FAT1: variants seen among roughly 807,000 people sequenced by gnomAD.
The protein encoded by FAT1 is FAT atypical cadherin 1.
Under a neutral mutation model 329.8 loss-of-function variants are expected in FAT1, and 171 were observed. The ratio of observed to expected loss-of-function variants is 0.52; its 90% CI spans 0.46 to 0.59. The LOEUF is 0.59. FAT1 is among the 20% of genes least tolerant of loss of function. The pLI, the probability that FAT1 is intolerant of heterozygous loss-of-function variation, is 0.00. For synonymous variants in FAT1, 2,233 were observed against 2,228.6 expected (o/e 1.00, Z -0.06); for missense variants, 5,672 against 5,774.4 (o/e 0.98, Z 0.57).
In FAT1 at chr4:186,620,525, G is replaced by A. The variant is rs185406112; in HGVS notation, c.6061C>T (p.Arg2021Cys). 3.7e-5 allele frequency: 60 copies of A among 1,613,968 alleles called. No homozygotes were observed. In the Admixed American group the frequency reaches 8.3e-4, roughly 22 times the overall value. Residue 2021 changes from arginine to cysteine, a missense_variant, in exon 10 of 27, where the codon CGC becomes TGC. Arg to Cys is a radical substitution (Grantham distance 180). Coordinates refer to ENST00000441802, the MANE Select transcript of FAT1 (RefSeq NM_005245.4). Reference protein sequence around the residue: ...PLFYHILNPDRRFKISRTSGV... With the variant: ...PLFYHILNPDCRFKISRTSGV... ...GAAGTGCGGCTTATTTTAAATCTGC[G>A]ATCTGGGTTGAGGATGTGATAAAAC...
rs180780118 is a variant in FAT1, at chr4:186,608,035, C to G, written c.10206+1148G>C. Among the ~76,000 whole-genome samples the G allele has an allele frequency of 3.7e-3, 568 of 152,284 alleles. 20 individuals are homozygous for G. The highest frequency in any genetic ancestry group is 0.033 in the Admixed American group (510 of 15,298). ...GCATATTGAAAACCACATTCATTAG[C>G]CTCTCCCATCCCTTACACGTTTATA... On this transcript the variant is annotated intron_variant, in intron 16 of 26. Coordinates refer to ENST00000441802, the MANE Select transcript of FAT1 (RefSeq NM_005245.4).
At position 186,603,801 on chromosome 4, in the gene FAT1, A is replaced by G; in HGVS notation, c.10725T>C (p.Tyr3575=). 3 of 1,613,946 alleles carry G rather than the reference A, an allele frequency of 1.9e-6. No individual in the cohort carries two copies. In the East Asian group the frequency reaches 6.7e-5, roughly 36 times the overall value. ...GGTCGAGACTGTAGGTTAGAGTATC[A>G]TACACGTCCTGGTCTGTGGCATGGA... ...GKIHATDQDV[Y]DTLTYSLDPQ... is the part of the protein sequence containing the mutation. The change falls in exon 19 of 27, where the codon TAT becomes TAC. Residue 3575 remains tyrosine, a synonymous_variant. Coordinates refer to ENST00000441802, the MANE Select transcript of FAT1 (RefSeq NM_005245.4).
intron 2 of FAT1, among the ~76,000 whole-genome samples, chr4:186,664,807 C>A (rs1393593557): frequency 6.6e-6 from 1 of 152,172 alleles, no homozygotes; most frequent in African/African-American, 2.4e-5. Context: ...ATGGTACAGG[C>A]TGGACTCTGG....
At position 186,604,460 on chromosome 4, in the gene FAT1, A is replaced by G. The variant is rs753397401; in HGVS notation, c.10465T>C (p.Phe3489Leu). The G allele has an allele frequency of 6.2e-7, 1 of 1,613,988 alleles. No individual in the cohort carries two copies. Among genetic ancestry groups the G allele is most frequent in the Admixed American group, 1.7e-5 (1 of 60,022 alleles). Residue 3489 changes from phenylalanine (F) to leucine (L), a missense_variant, in exon 18 of 27, where the codon TTT becomes CTT. Physicochemically the swap from Phe to Leu is conservative, Grantham distance 22. Transcript: ENST00000441802. ...TIVTGNDEKA[F>L]EVNPQGVLLT... is the part of the protein sequence containing the mutation. ...AGGACTCCTTGCGGGTTAACTTCAA[A>G]AGCCTTCTCATCATTTCCAGTTACA...
At chr4:186,711,074 C>T (rs1744925560) in intron 1 of FAT1, among the ~76,000 whole-genome samples, 1 of 152,174 alleles carries the variant, frequency 6.6e-6, no homozygotes, top group African/African-American at 2.4e-5. Flanking sequence ...AATTAATATT[C>T]ACAAAATGTG....
chr4:186,713,312 T>C (rs1222381203), intron 1 of FAT1, among the ~76,000 whole-genome samples: 1 of 152,136 alleles, frequency 6.6e-6, no homozygotes, highest in Non-Finnish European at 1.5e-5. Flanking sequence ...AGTCAGGTAT[T>C]TTGTAGGATG....
upstream of FAT1, among the ~76,000 whole-genome samples, chr4:186,724,136 G>C (rs1745619527): frequency 7.4e-6 from 1 of 135,054 alleles, no homozygotes; most frequent in African/African-American, 2.8e-5. The surrounding 1 kb of genome is among the most constrained non-coding windows in gnomAD (Gnocchi z 5.3). Flanking sequence ...CGCTGTGCAA[G>C]GAATTGGGGA....
chr4:186,646,457 T>C (rs1741389171), intron 3 of FAT1, among the ~76,000 whole-genome samples: 1 of 152,198 alleles, frequency 6.6e-6, no homozygotes, highest in African/African-American at 2.4e-5. Flanking sequence ...CTGTCCAATA[T>C]GGTAGCACCT....
intron 7 of FAT1, among the ~76,000 whole-genome samples, chr4:186,632,492 A>C (rs926727077): frequency 6.6e-6 from 1 of 152,124 alleles, no homozygotes; most frequent in Non-Finnish European, 1.5e-5. Flanking sequence ...TTAAAGAGAG[A>C]AAATCAATAG....
chr4:186,708,464 C>A lies in FAT1; in HGVS notation c.1364G>T (p.Gly455Val). 1.2e-6 allele frequency: 2 copies of A among 1,613,968 alleles called. No individual in the cohort carries two copies. Among genetic ancestry groups the A allele is most frequent in the Non-Finnish European group, 1.7e-6 (2 of 1,179,894 alleles). Reference protein sequence around the residue: ...ASTKVLVKVLGANSNPPEFTQ... With the variant: ...ASTKVLVKVLVANSNPPEFTQ... Reference sequence around the variant, plus strand: ...AAATTCAGGGGGATTGCTATTTGCACCTAAGACTTTCACCAAGACCTTGGT... The same window carrying A: ...AAATTCAGGGGGATTGCTATTTGCAACTAAGACTTTCACCAAGACCTTGGT... Residue 455 changes from glycine (G) to valine (V), a missense_variant, in exon 2 of 27, where the codon GGT (glycine) becomes GTT (valine). Transcript: ENST00000441802.
At chr4:186,597,230 G>C (rs2126396806) in intron 24 of FAT1, 59 bp from the exon 25 acceptor site, 11 of 1,461,964 alleles carry the variant, frequency 7.5e-6, no homozygotes, top group South Asian at 1.4e-5. Context: ...CGTATGTCAG[G>C]CTCAATCCTT....
chr4:186,687,544 G>A (rs1376270107), intron 2 of FAT1, among the ~76,000 whole-genome samples: 2 of 152,202 alleles, frequency 1.3e-5, no homozygotes, highest in East Asian at 3.8e-4. Flanking sequence ...CAGGATGAGT[G>A]TCCCAAATCA....
intron 2 of FAT1, among the ~76,000 whole-genome samples, chr4:186,701,976 AGGGATG>A (rs1744343284): frequency 6.6e-6 from 1 of 151,628 alleles, no homozygotes; most frequent in African/African-American, 2.4e-5. Flanking sequence ...CAGGTGACAC[AGGGATG>A]AGGCCAGGAG....
chr4:186,606,075 T>A lies in FAT1; in HGVS notation c.10345A>T (p.Ile3449Phe), dbSNP rs1024949982. 7.4e-6 allele frequency: 12 copies of A among 1,612,944 alleles called. No individual in the cohort carries two copies. Among genetic ancestry groups the A allele is most frequent in the Non-Finnish European group, 1.0e-5 (12 of 1,179,794 alleles). ...VFSRGNYSVIIQENKPVGFSV... is the reference protein window; with the variant it reads ...VFSRGNYSVIFQENKPVGFSV... ...CCTTGGCACTCGAAGCCCACCTGGATAATGACACTGTAGTTTCCCCTGGAG... is the reference window on the plus strand; with the variant it reads ...CCTTGGCACTCGAAGCCCACCTGGAAAATGACACTGTAGTTTCCCCTGGAG... Residue 3449 changes from isoleucine (I) to phenylalanine (F), a missense_variant, in exon 17 of 27, where the codon ATC becomes TTC. Transcript: ENST00000441802.
rs201131193 is a variant in FAT1 at position 186,611,814 on chromosome 4, A to C, written c.9464-39T>G. ...AAAACATGTCAAAAGATTTTAAATA[A>C]AAAAGTTTAACACTTTTTTTTTTTT... is the stretch of plus-strand genomic sequence containing the variant. On this transcript the variant is annotated intron_variant, in intron 13 of 26. Transcript: ENST00000441802. 4.8e-4 allele frequency: 720 copies of C among 1,496,244 alleles called. 3 individuals carry two copies. The highest frequency in any genetic ancestry group is 4.4e-4 in the Non-Finnish European group (490 of 1,118,980). The allele number at this position is 1,496,244 out of a possible 1,614,324, so 92.7% of individuals were successfully genotyped here. A position where few individuals can be genotyped will look rare whatever the true frequency, so the allele number is the denominator to read the frequency against.
chr4:186,626,041 C>G (rs112094789), intron 9 of FAT1, among the ~76,000 whole-genome samples: 1 of 136,648 alleles, frequency 7.3e-6, no homozygotes, highest in Non-Finnish European at 1.6e-5. Context: ...AATGAGGGAC[C>G]AACATGGCAC....
At chr4:186,632,654 GAGAA>G (rs60590467) in intron 7 of FAT1, among the ~76,000 whole-genome samples, 11,241 of 152,100 alleles carry the variant, frequency 0.074, 606 homozygotes, top group African/African-American at 0.15. Context: ...CAAGCATTTG[GAGAA>G]AGAAATATTT....
chr4:186,666,997 T>A (rs1405101165), intron 2 of FAT1, among the ~76,000 whole-genome samples: 1 of 152,220 alleles, frequency 6.6e-6, no homozygotes, highest in Middle Eastern at 3.2e-3. Flanking sequence ...TTGGGAAAGA[T>A]GAGTCAAACT....
At chr4:186,665,674 G>GT (rs547327296) in intron 2 of FAT1, among the ~76,000 whole-genome samples, 1 of 152,198 alleles carries the variant, frequency 6.6e-6, no homozygotes, top group South Asian at 2.1e-4. Context: ...TTCTTTTGCT[G>GT]TGCAGAAGCT....
Sources: gnomAD v4.1 joint callset for allele counts (sites outside exome capture counted in the v4.1 genomes callset) on GRCh38, gnomAD v4.1.1 for gene constraint, Gnocchi (gnomAD v3.1) non-coding constraint, MANE v1.5 for transcripts, NCBI Gene and HGNC (gene_info 2026-07-23, HGNC 2026-07-21) for gene names.